The following ESRRG variants were observed in gnomAD, a reference collection of about 807,000 sequenced individuals.
ESRRG encodes estrogen related receptor gamma.
ESRRG carries 13 observed loss-of-function variants against 44.0 expected under a neutral mutation model. That is an observed-to-expected ratio of 0.30 (90% CI 0.19 to 0.47). The LOEUF (loss-of-function observed/expected upper bound fraction) is 0.47. Ranked by LOEUF, ESRRG falls within the 20% of genes least tolerant of loss-of-function variation. The pLI, the probability that ESRRG is intolerant of heterozygous loss-of-function variation, is 1.00. For synonymous variants in ESRRG, 215 were observed against 214.6 expected (o/e 1.00, Z -0.02); for missense variants, 395 against 580.6 (o/e 0.68, Z 3.29).
intron 2 of ESRRG, among the ~76,000 whole-genome samples, chr1:216,895,684 T>A (rs1365104677): frequency 2.6e-5 from 4 of 152,142 alleles, no homozygotes; most frequent in African/African-American, 4.8e-5. Context: ...GAAAGCACAT[T>A]CACTAGCTAT....
chr1:217,024,356 TA>T (rs34483403), intron 1 of ESRRG, among the ~76,000 whole-genome samples: 34,683 of 142,544 alleles, frequency 0.24, 4,367 homozygotes, highest in African/African-American at 0.35. Flanking sequence ...AGAGTCCATT[TA>T]AAAAAAAAAA....
At chr1:216,680,414 CAG>C (rs138519562) in intron 1 of ESRRG, among the ~76,000 whole-genome samples, 2,237 of 152,238 alleles carry the variant, frequency 0.015, 57 homozygotes, top group African/African-American at 0.051. Context: ...TTGAAGACAA[CAG>C]AGTTTTTAAT....
intron 1 of ESRRG, among the ~76,000 whole-genome samples, chr1:217,133,661 T>TC (rs1558298499): frequency 7.0e-6 from 1 of 142,824 alleles, no homozygotes; most frequent in African/African-American, 2.6e-5. Context: ...CTTTCTTTCT[T>TC]TCTTTCTTTC....
At chr1:216,547,812 C>A (rs1180815849) in intron 5 of ESRRG, among the ~76,000 whole-genome samples, 2 of 151,966 alleles carry the variant, frequency 1.3e-5, no homozygotes, top group African/African-American at 2.4e-5. Context: ...TTAGGTTGCA[C>A]GTAGCACTGC....
chr1:216,921,457 A>G (rs1203903597), intron 2 of ESRRG, among the ~76,000 whole-genome samples: 1 of 152,180 alleles, frequency 6.6e-6, no homozygotes, highest in Non-Finnish European at 1.5e-5. Context: ...CACGTTCCTG[A>G]CAATGGACTG....
At chr1:217,038,283 G>T (rs1465140011) in intron 1 of ESRRG, among the ~76,000 whole-genome samples, 2 of 152,180 alleles carry the variant, frequency 1.3e-5, no homozygotes, top group Non-Finnish European at 2.9e-5. Flanking sequence ...GGGCATCCAG[G>T]TGTTTCCATA....
chr1:216,764,921 C>T (rs1235759344), intron 2 of ESRRG, among the ~76,000 whole-genome samples: 1 of 152,002 alleles, frequency 6.6e-6, no homozygotes, highest in Non-Finnish European at 1.5e-5. Flanking sequence ...GAGTGCAGAA[C>T]TTGGGAGAGG....
intron 1 of ESRRG, among the ~76,000 whole-genome samples, chr1:217,041,878 T>C (rs551199501): frequency 3.2e-4 from 48 of 152,336 alleles, no homozygotes; most frequent in Middle Eastern, 3.4e-3. Context: ...TTTAGATTCT[T>C]TGAAGGGAAT....
At chr1:216,514,074 C>T (rs1052924368) in intron 6 of ESRRG, among the ~76,000 whole-genome samples, 1 of 152,036 alleles carries the variant, frequency 6.6e-6, no homozygotes, top group Non-Finnish European at 1.5e-5. Context: ...AAGGCCAAAG[C>T]TATTTGCAGC....
intron 1 of ESRRG, among the ~76,000 whole-genome samples, chr1:216,717,867 T>A (rs531997912): frequency 6.6e-6 from 1 of 151,976 alleles, no homozygotes; most frequent in South Asian, 2.1e-4. Flanking sequence ...AAAGCTATCA[T>A]GCTTTACATT....
At chr1:216,531,399 G>A (rs1269939907) in intron 5 of ESRRG, among the ~76,000 whole-genome samples, 1 of 151,952 alleles carries the variant, frequency 6.6e-6, no homozygotes, top group Non-Finnish European at 1.5e-5. Flanking sequence ...TTCACGGCTC[G>A]TGTTTGCTGG....
intron 1 of ESRRG, among the ~76,000 whole-genome samples, chr1:217,102,674 A>G (rs1244671968): frequency 2.6e-5 from 4 of 152,196 alleles, no homozygotes; most frequent in Non-Finnish European, 5.9e-5. Flanking sequence ...TCTTTAACAC[A>G]TATTTATTAA....
chr1:217,012,793 T>C (rs1337251839), intron 1 of ESRRG, among the ~76,000 whole-genome samples: 1 of 152,224 alleles, frequency 6.6e-6, no homozygotes, highest in Non-Finnish European at 1.5e-5. Context: ...TACTGTATTA[T>C]ATCCTCAGGA....
At chr1:217,093,807 T>C (rs2092385655), upstream of ESRRG, among the ~76,000 whole-genome samples, 1 of 150,830 alleles carries the variant, frequency 6.6e-6, no homozygotes, top group South Asian at 2.1e-4. Context: ...CACACACACA[T>C]ATAAAAACCC....
intron 1 of ESRRG, among the ~76,000 whole-genome samples, chr1:217,062,808 C>T (rs777674722): frequency 5.3e-5 from 8 of 152,182 alleles, no homozygotes; most frequent in Non-Finnish European, 7.3e-5. Context: ...ACTTTTACGG[C>T]TTGGAAATGA....
At chr1:216,807,468 C>T (rs1472713436) in intron 2 of ESRRG, among the ~76,000 whole-genome samples, 4 of 152,216 alleles carry the variant, frequency 2.6e-5, no homozygotes, top group Non-Finnish European at 5.9e-5. Flanking sequence ...CATCTTTCAA[C>T]ATAGTTTCTT....
At chr1:216,648,241 C>T (rs376749547) in intron 3 of ESRRG, among the ~76,000 whole-genome samples, 1 of 152,136 alleles carries the variant, frequency 6.6e-6, no homozygotes, top group South Asian at 2.1e-4. Flanking sequence ...TATTTCACTG[C>T]ATTTTTAAAG....
chr1:217,133,858 G>A (rs2093010196), intron 1 of ESRRG, among the ~76,000 whole-genome samples: 1 of 151,952 alleles, frequency 6.6e-6, no homozygotes, highest in Non-Finnish European at 1.5e-5. Flanking sequence ...TTGGGGAATG[G>A]GGCTGAGAGA....
intron 1 of ESRRG, among the ~76,000 whole-genome samples, chr1:217,048,620 T>G (rs2085332389): frequency 6.6e-6 from 1 of 152,094 alleles, no homozygotes. Context: ...CCCAACTGGG[T>G]AGATAACTCT....
Sources: gnomAD v4.1 joint callset for allele counts (sites outside exome capture counted in the v4.1 genomes callset) on GRCh38, gnomAD v4.1.1 for gene constraint, MANE v1.5 for transcripts, NCBI Gene and HGNC (gene_info 2026-07-23, HGNC 2026-07-21) for gene names.